The following PIBF1 variants were observed in gnomAD, a reference collection of about 807,000 sequenced individuals.
The protein encoded by PIBF1 is progesterone-induced-blocking factor 1.
In PIBF1, 90 loss-of-function variants were observed where a neutral mutation model predicts 112.5. The observed-to-expected ratio is 0.80, with a 90% CI of 0.67 to 0.95. PIBF1 has a LOEUF of 0.95. Among genes scored for constraint, PIBF1 ranks in the 40% least tolerant of loss-of-function variants. The probability of loss-of-function intolerance (pLI) is 0.00; values close to 1 mark genes in which losing one functional copy is unlikely to be tolerated. For missense variants in PIBF1, 915 were observed against 852.3 expected (o/e 1.07, Z -0.92); for synonymous variants, 301 against 288.6 (o/e 1.04, Z -0.44).
chr13:72,927,976 T>TATATATATACAC (rs2041557935), intron 13 of PIBF1, among the ~76,000 whole-genome samples: 17 of 81,122 alleles, frequency 2.1e-4, no homozygotes, highest in African/African-American at 6.4e-4. Context: ...TATATATATA[T>TATATATATACAC]ACATATATAT....
chr13:72,959,627 A>G (rs542574820), intron 14 of PIBF1, among the ~76,000 whole-genome samples: 1 of 152,352 alleles, frequency 6.6e-6, no homozygotes, highest in African/African-American at 2.4e-5. Flanking sequence ...AAAAACATGC[A>G]GCAAAATGTA....
chr13:72,976,182 G>C (rs2043016728), intron 16 of PIBF1, among the ~76,000 whole-genome samples: 1 of 152,158 alleles, frequency 6.6e-6, no homozygotes, highest in Non-Finnish European at 1.5e-5. Flanking sequence ...AGGATCACTT[G>C]AGCACAGGAG....
chr13:72,869,242 T>C (rs925657904), intron 10 of PIBF1, among the ~76,000 whole-genome samples: 4 of 152,062 alleles, frequency 2.6e-5, no homozygotes, highest in African/African-American at 9.6e-5. Flanking sequence ...GTAGACTGGA[T>C]TGAGAAAGTG....
At position 72,787,815 on chromosome 13, in the gene PIBF1, C is replaced by T. The variant is rs540259314; in HGVS notation, c.252+4094C>T. Among the ~76,000 whole-genome samples the T allele has an allele frequency of 1.4e-4, 22 of 152,146 alleles. 1 individual carries two copies. The highest frequency in any genetic ancestry group is 1.0e-3 in the South Asian group (5 of 4,810). On this transcript the variant is annotated intron_variant, in intron 2 of 17. Transcript: ENST00000326291. The stretch of plus-strand genomic sequence containing the variant: ...CTGGGACTGTAGGCCCGTGCCACAA[C>T]GCCCAGCTAAGTTTTGTATTTTTGG...
At chr13:72,816,349 A>G (rs2036272887) in intron 5 of PIBF1, among the ~76,000 whole-genome samples, 1 of 152,162 alleles carries the variant, frequency 6.6e-6, no homozygotes, top group South Asian at 2.1e-4. Flanking sequence ...ACCTTTCCTC[A>G]TTCTTGAGTT....
At chr13:72,898,964 A>G (rs2040384256) in intron 11 of PIBF1, among the ~76,000 whole-genome samples, 1 of 152,152 alleles carries the variant, frequency 6.6e-6, no homozygotes, top group Non-Finnish European at 1.5e-5. Flanking sequence ...CACCACTGAA[A>G]TACAAAAGAT....
chr13:72,818,678 CT>C (rs3077726), intron 5 of PIBF1, among the ~76,000 whole-genome samples: 15,198 of 78,470 alleles, frequency 0.19, 493 homozygotes, highest in East Asian at 0.23. Flanking sequence ...CAGTCTTAAA[CT>C]TTTTTTTTTT....
At position 72,931,245 on chromosome 13, in the gene PIBF1, A is replaced by G; in HGVS notation, c.1811A>G (p.Gln604Arg). The G allele has an allele frequency of 6.2e-7, 1 of 1,610,072 alleles. No homozygotes were observed. The highest frequency in any genetic ancestry group is 8.5e-7 in the Non-Finnish European group (1 of 1,176,934). ...AAAGATCTGGAACATCGAAAGGACC[A>G]AGTAACACAGCTTTCACAAGAGGTA... Reference protein sequence around the residue: ...ILKDLEHRKDQVTQLSQELDR... With the variant: ...ILKDLEHRKDRVTQLSQELDR... Residue 604 changes from glutamine (Q) to arginine (R), a missense_variant, in exon 14 of 18, where the codon CAA becomes CGA. Transcript: ENST00000326291.
chr13:72,796,079 T>A (rs1018895271), intron 4 of PIBF1, among the ~76,000 whole-genome samples: 1 of 152,210 alleles, frequency 6.6e-6, no homozygotes, highest in Non-Finnish European at 1.5e-5. Context: ...TGTTTGTTTA[T>A]ATGGGCTGTA....
At chr13:72,850,769 T>TTATTC (rs1555297649) in intron 9 of PIBF1, among the ~76,000 whole-genome samples, 2 of 40,696 alleles carry the variant, frequency 4.9e-5, no homozygotes, top group South Asian at 2.3e-3. Flanking sequence ...TTTGAGAACT[T>TTATTC]TATCTATAAC....
Position 72,797,990 on chromosome 13 carries a change from A to T in PIBF1, c.636A>T (p.Leu212Phe). Residue 212 changes from leucine to phenylalanine, a missense_variant, in exon 5 of 18, where the codon TTA (leucine) becomes TTT (phenylalanine). By Grantham distance (22) the Leu-to-Phe change is conservative. Transcript: ENST00000326291. Reference sequence around the variant, plus strand: ...AAAAGAATATCCTAGCAGAAGAATTAAGTACAAACAAAAACCAACTGAAGC... The same window carrying T: ...AAAAGAATATCCTAGCAGAAGAATTTAGTACAAACAAAAACCAACTGAAGC... Reference protein sequence around the residue: ...QVKKNILAEELSTNKNQLKQL... With the variant: ...QVKKNILAEEFSTNKNQLKQL... 1 of 1,606,872 alleles carries T rather than the reference A, an allele frequency of 6.2e-7. No individual in the cohort carries two copies. The highest frequency in any genetic ancestry group is 8.5e-7 in the Non-Finnish European group (1 of 1,177,386).
chr13:72,790,530 G>C (rs570524050), intron 2 of PIBF1, among the ~76,000 whole-genome samples: 4 of 126,774 alleles, frequency 3.2e-5, no homozygotes, highest in African/African-American at 5.2e-5. Flanking sequence ...TAGATAGATA[G>C]ATAGATAGAT....
intron 15 of PIBF1, chr13:72,970,733 T>C (rs2042866381): frequency 1.3e-5 from 2 of 152,176 alleles, no homozygotes; most frequent in Admixed American, 6.5e-5. Context: ...TTATGAAATA[T>C]GTCTTATGAA....
chr13:72,792,298 G>A (rs922600420), intron 2 of PIBF1, 149 bp from the exon 3 acceptor site: 29 of 563,962 alleles, frequency 5.1e-5, no homozygotes, highest in Middle Eastern at 4.7e-4. Context: ...CTTCCAAAGT[G>A]CTGGAATTAT....
intron 10 of PIBF1, among the ~76,000 whole-genome samples, chr13:72,887,137 AAAT>A (rs1047789800): frequency 4.6e-5 from 7 of 151,634 alleles, no homozygotes; most frequent in Admixed American, 3.9e-4. Context: ...TTTTCATCAA[AAAT>A]AATTTTGATT....
chr13:72,832,726 C>T (rs965135010), intron 8 of PIBF1, among the ~76,000 whole-genome samples: 2 of 152,032 alleles, frequency 1.3e-5, no homozygotes, highest in South Asian at 2.1e-4. Context: ...TCAACCTTGG[C>T]GAATCTGACA....
intron 11 of PIBF1, chr13:72,900,954 G>A (rs577185444): frequency 9.7e-6 from 3 of 309,018 alleles, no homozygotes; most frequent in Admixed American, 4.3e-5. Flanking sequence ...CCCGGGAGGC[G>A]TACATTGCAG....
At chr13:72,956,742 C>T (rs2042455926) in intron 14 of PIBF1, among the ~76,000 whole-genome samples, 1 of 152,132 alleles carries the variant, frequency 6.6e-6, no homozygotes, top group African/African-American at 2.4e-5. Context: ...TGTTCTTACA[C>T]CTCAGGAGAG....
At chr13:72,803,997 G>A (rs1162152202) in intron 5 of PIBF1, among the ~76,000 whole-genome samples, 1 of 151,774 alleles carries the variant, frequency 6.6e-6, no homozygotes, top group Admixed American at 6.6e-5. Flanking sequence ...AGTGTTTTTT[G>A]CCCAGTGGTA....
Sources: allele counts gnomAD v4.1 joint callset (sites outside exome capture counted in the v4.1 genomes callset), GRCh38; gene constraint gnomAD v4.1.1; transcripts MANE v1.5; gene names NCBI Gene and HGNC (gene_info 2026-07-23, HGNC 2026-07-21).